TLR1: variants seen among roughly 807,000 people sequenced by gnomAD.
TLR1 encodes toll-like receptor 1.
In TLR1, 19 loss-of-function variants were observed where a neutral mutation model predicts 20.2. The ratio of observed to expected loss-of-function variants is 0.94; its 90% CI spans 0.66 to 1.38. The LOEUF (loss-of-function observed/expected upper bound fraction) is 1.38, where lower values mean the gene tolerates loss of function less well. Among genes scored for constraint, TLR1 ranks in the 40% most tolerant of loss-of-function variants. The pLI is 0.00. For synonymous variants in TLR1, 320 were observed against 334.5 expected (o/e 0.96, Z 0.47); for missense variants, 921 against 910.0 (o/e 1.01, Z -0.16).
downstream of TLR1, among the ~76,000 whole-genome samples, chr4:38,795,123 T>A (rs1212871905): frequency 1.3e-5 from 2 of 152,170 alleles, no homozygotes; most frequent in Non-Finnish European, 2.9e-5. Context: ...TACACCTCAT[T>A]TTTTAACCCA....
rs1395755741 is a variant in TLR1 at position 38,798,016 on chromosome 4, A to G, written c.816T>C (p.Thr272=). ...CGTTTGAAATTGAGAAATACCATAC[A>G]GTTGTATGCCAAACCAGCTGGAGGA... is the stretch of plus-strand genomic sequence containing the variant. ...IRILQLVWHT[T]VWYFSISNVK... is the part of the protein sequence containing the mutation. Residue 272 remains threonine, a synonymous_variant, in exon 4 of 4, where the codon ACT becomes ACC. Transcript: ENST00000308979. 1 of 1,614,188 alleles carries G rather than the reference A, an allele frequency of 6.2e-7. No individual in the cohort carries two copies. The highest frequency in any genetic ancestry group is 8.5e-7 in the Non-Finnish European group (1 of 1,180,028).
At chr4:38,804,560 G>A (rs1374449982) in intron 1 of TLR1, among the ~76,000 whole-genome samples, 178 bp from the exon 2 acceptor site, 1 of 152,128 alleles carries the variant, frequency 6.6e-6, no homozygotes, top group African/African-American at 2.4e-5. Flanking sequence ...GAGGAGTGTG[G>A]GGACTTTCTC....
Position 38,798,523 on chromosome 4 carries a change from G to T in TLR1, c.309C>A (p.Asn103Lys). Residue 103 changes from asparagine to lysine, a missense_variant, in exon 4 of 4, where the codon AAC becomes AAA. Asn to Lys is a moderately conservative substitution (Grantham distance 94, BLOSUM62 0). Transcript: ENST00000308979. ...GGTGGCAAGAAATCTTCACCAACTT[G>T]TTGTGGGACAAATCCAAGTATTCCA... ...QELEYLDLSH[N>K]KLVKISCHPT... 6.2e-7 allele frequency: 1 copy of T among 1,614,138 alleles called. No homozygotes were observed. The highest frequency in any genetic ancestry group is 2.2e-5 in the East Asian group (1 of 44,886).
At chr4:38,800,417 C>T (rs1458915579) in intron 3 of TLR1, 1 of 152,010 alleles carries the variant, frequency 6.6e-6, no homozygotes, top group Non-Finnish European at 1.5e-5. Flanking sequence ...ATACTTTTTT[C>T]ATTCATTCAT....
At position 38,798,679 on chromosome 4, in the gene TLR1, AT is replaced by A. The variant is rs1277016447; in HGVS notation, c.152del (p.Asn51IlefsTer21). 6.2e-7 allele frequency: 1 copy of A among 1,614,066 alleles called. No individual in the cohort carries two copies. The highest frequency in any genetic ancestry group is 1.3e-5 in the African/African-American group (1 of 75,058). ...GCTCAGATATATAATTTTGCGATATATTTAAGATTGTTGTTTTCTGGGATAG... is the reference window on the plus strand; with the variant it reads ...GCTCAGATATATAATTTTGCGATATATTAAGATTGTTGTTTTCTGGGATAG... The part of the protein sequence containing the change: ...KDLSQKTTIL[N>X]ISQNYISELW... On this transcript the variant is annotated frameshift_variant, in exon 4 of 4. Transcript: ENST00000308979. LOFTEE classifies it low-confidence loss of function (END_TRUNC).
chr4:38,798,573 T>C lies in TLR1; in HGVS notation c.259A>G (p.Ser87Gly), dbSNP rs1726378991. 1 of 1,614,050 alleles carries C rather than the reference T, an allele frequency of 6.2e-7. No individual in the cohort carries two copies. The highest frequency in any genetic ancestry group is 1.3e-5 in the African/African-American group (1 of 74,924). ...SHNRIQYLDI[S>G]VFKFNQELEY... ...AATTCCTGGTTGAATTTGAAAACAC[T>C]GATATCAAGATACTGGATTCTATTA... The change falls in exon 4 of 4, where the codon AGT (serine) becomes GGT (glycine). Residue 87 changes from serine (S) to glycine (G), a missense_variant. Physicochemically the swap from Ser to Gly is moderately conservative, Grantham distance 56 (BLOSUM62 0). Coordinates refer to ENST00000308979, the MANE Select transcript of TLR1 (RefSeq NM_003263.4).
At chr4:38,799,256 C>A (rs145753249) in intron 3 of TLR1, among the ~76,000 whole-genome samples, 1 of 152,114 alleles carries the variant, frequency 6.6e-6, no homozygotes, top group Non-Finnish European at 1.5e-5. Context: ...GAGATCATCC[C>A]AAATTATCCA....
Position 38,796,392 on chromosome 4 carries a change from G to T in TLR1, c.*79C>A. On this transcript the variant is annotated 3_prime_UTR_variant, in exon 4 of 4. Coordinates refer to ENST00000308979, the MANE Select transcript of TLR1 (RefSeq NM_003263.4). Reference sequence around the variant, plus strand: ...TCACAATTGTGTTTACATCTATGCTGATGCAAAATAAAGTCATTGTTGGAA... The same window carrying T: ...TCACAATTGTGTTTACATCTATGCTTATGCAAAATAAAGTCATTGTTGGAA... 1 of 1,493,278 alleles carries T rather than the reference G, an allele frequency of 6.7e-7. No homozygotes were observed. The highest frequency in any genetic ancestry group is 9.1e-7 in the Non-Finnish European group (1 of 1,098,644). The allele number at this position is 1,493,278 out of a possible 1,614,324, so 92.5% of individuals were successfully genotyped here. A position where few individuals can be genotyped will look rare whatever the true frequency, so the allele number is the denominator to read the frequency against.
downstream of TLR1, among the ~76,000 whole-genome samples, chr4:38,791,414 G>T (rs1725718121): frequency 6.6e-6 from 1 of 152,100 alleles, no homozygotes; most frequent in Admixed American, 6.5e-5. Context: ...ACATATCAAT[G>T]GAGATCTTAG....
chr4:38,799,744 C>T (rs1411027459), intron 3 of TLR1, among the ~76,000 whole-genome samples: 1 of 152,204 alleles, frequency 6.6e-6, no homozygotes, highest in Non-Finnish European at 1.5e-5. Context: ...ATGACCTATA[C>T]ACGGTTTGGG....
At chr4:38,801,989 G>GA (rs1184490292) in intron 2 of TLR1, among the ~76,000 whole-genome samples, 1 of 152,164 alleles carries the variant, frequency 6.6e-6, no homozygotes, top group Non-Finnish European at 1.5e-5. Flanking sequence ...TTGAGGTCGG[G>GA]AGTTTGAGAC....
downstream of TLR1, among the ~76,000 whole-genome samples, chr4:38,789,509 T>C (rs532127005): frequency 6.6e-6 from 1 of 151,438 alleles, no homozygotes; most frequent in South Asian, 2.1e-4. Context: ...TGAGCTGGAG[T>C]CTAGCTCTGC....
chr4:38,788,397 G>C (rs570274316), downstream of TLR1, among the ~76,000 whole-genome samples: 91 of 152,296 alleles, frequency 6.0e-4, no homozygotes, highest in African/African-American at 2.0e-3. Context: ...TTATTAATTA[G>C]TTGCTTAGCA....
At chr4:38,802,343 G>C (rs1324049651) in intron 2 of TLR1, among the ~76,000 whole-genome samples, 1 of 152,204 alleles carries the variant, frequency 6.6e-6, no homozygotes, top group Non-Finnish European at 1.5e-5. Context: ...TCAGGAGCTG[G>C]GCAAGCAGGC....
In TLR1 at chr4:38,797,007, A is replaced by G. The variant is rs772480838; in HGVS notation, c.1825T>C (p.Tyr609His). The G allele has an allele frequency of 1.9e-6, 3 of 1,614,192 alleles. No homozygotes were observed. The highest frequency in any genetic ancestry group is 1.6e-4 in the Middle Eastern group (1 of 6,062). Reference sequence around the variant, plus strand: ...GTCCACTGGCACACCATCCTGAGATACCAGGGCAGATCCAAGTAGCTGCAG... The same window carrying G: ...GTCCACTGGCACACCATCCTGAGATGCCAGGGCAGATCCAAGTAGCTGCAG... ...SLCSYLDLPW[Y>H]LRMVCQWTQT... is the part of the protein sequence containing the mutation. Residue 609 changes from tyrosine (Y) to histidine (H), a missense_variant, in exon 4 of 4, where the codon TAT becomes CAT. Physicochemically the swap from Tyr to His is moderately conservative, Grantham distance 83. Coordinates refer to ENST00000308979, the MANE Select transcript of TLR1 (RefSeq NM_003263.4).
Position 38,796,589 on chromosome 4 carries a change from CT to C in TLR1, c.2242del (p.Ser748ValfsTer25), listed in dbSNP as rs1726073242. The C allele has an allele frequency of 6.2e-7, 1 of 1,614,042 alleles. No homozygotes were observed. Among genetic ancestry groups the C allele is most frequent in the Non-Finnish European group, 8.5e-7 (1 of 1,180,038 alleles). On this transcript the variant is annotated frameshift_variant, in exon 4 of 4. Transcript: ENST00000308979. LOFTEE classifies it high-confidence loss of function. ...SIPSSYHKLK[S>X]LMARRTYLEW... is the part of the protein sequence containing the mutation. ...CAAATAAGTCCTCCTGGCCATGAGACTTTTGAGCTTGTGATAACTGCTAGGA... is the reference window on the plus strand; with the variant it reads ...CAAATAAGTCCTCCTGGCCATGAGACTTTGAGCTTGTGATAACTGCTAGGA...
rs761749628 is a variant in TLR1 at position 38,798,334 on chromosome 4, CT to C, written c.497del (p.Lys166ArgfsTer6). 373 of 1,613,868 alleles carry C rather than the reference CT, an allele frequency of 2.3e-4. No individual in the cohort carries two copies. Among genetic ancestry groups the C allele is most frequent in the Middle Eastern group, 1.2e-3 (7 of 6,084 alleles). ...VLPIAHLNISKVLLVLGETYG... is the reference protein window; with the variant it reads ...VLPIAHLNISXVLLVLGETYG... ...AAGTCTCTCCTAAGACCAGCAAGAC[CT>C]TGCTGATATTCAAATGAGCAATTGG... On this transcript the variant is annotated frameshift_variant, in exon 4 of 4. Coordinates refer to ENST00000308979, the MANE Select transcript of TLR1 (RefSeq NM_003263.4). LOFTEE classifies it low-confidence loss of function (END_TRUNC).
downstream of TLR1, among the ~76,000 whole-genome samples, chr4:38,789,403 C>T (rs554895090): frequency 6.6e-6 from 1 of 152,326 alleles, no homozygotes; most frequent in East Asian, 1.9e-4. Context: ...CAGCACACTA[C>T]AGCAGCTGGT....
chr4:38,799,271 G>A (rs5743607), intron 3 of TLR1, among the ~76,000 whole-genome samples: 9 of 152,264 alleles, frequency 5.9e-5, no homozygotes, highest in African/African-American at 1.9e-4. Context: ...TATCCAGGTG[G>A]TCCATAAATC....
Sources: gnomAD v4.1 joint callset for allele counts (sites outside exome capture counted in the v4.1 genomes callset) on GRCh38, gnomAD v4.1.1 for gene constraint, MANE v1.5 for transcripts, NCBI Gene and HGNC (gene_info 2026-07-23, HGNC 2026-07-21) for gene names.